ATPAF1: variants seen among roughly 807,000 people sequenced by gnomAD.
ATPAF1 encodes the protein homolog of yeast ATP11.
ATPAF1 carries 26 observed loss-of-function variants against 43.9 expected under a neutral mutation model. The ratio of observed to expected loss-of-function variants is 0.59; its 90% CI spans 0.43 to 0.82. ATPAF1 has a LOEUF of 0.82. ATPAF1 is among the 40% of genes least tolerant of loss of function. The probability of loss-of-function intolerance (pLI) is 0.00; values close to 1 mark genes in which losing one functional copy is unlikely to be tolerated. For synonymous variants in ATPAF1, 157 were observed against 168.0 expected (o/e 0.93, Z 0.50); for missense variants, 366 against 435.0 (o/e 0.84, Z 1.41).
chr1:46,666,800 GA>G (rs1676498552), intron 1 of ATPAF1, among the ~76,000 whole-genome samples: 1 of 152,220 alleles, frequency 6.6e-6, no homozygotes, highest in Non-Finnish European at 1.5e-5. Context: ...TCAGTGGGGG[GA>G]TAACAGTATG....
chr1:46,658,642 C>T lies in ATPAF1; in HGVS notation c.426+45G>A, dbSNP rs78973007. 2.6e-3 allele frequency: 3,793 copies of T among 1,464,918 alleles called. 79 individuals are homozygous for T. In the African/African-American group the frequency reaches 0.046, roughly 18 times the overall value. The allele number at this position is 1,464,918 out of a possible 1,614,324, so 90.7% of individuals were successfully genotyped here. On this transcript the variant is annotated intron_variant, in intron 3 of 8. Transcript: ENST00000574428. ...TTGCAGCCTCTTGTTCTAGATGTCC[C>T]ATATGACTTCAAGCTTTTTTTCCTA... is the stretch of plus-strand genomic sequence containing the variant.
chr1:46,665,701 G>A (rs900868031), intron 1 of ATPAF1: 6 of 1,533,650 alleles, frequency 3.9e-6, no homozygotes, highest in Admixed American at 4.0e-5. Flanking sequence ...CTTCAGACAA[G>A]AATCCTATAG....
intron 6 of ATPAF1, among the ~76,000 whole-genome samples, chr1:46,651,187 C>T (rs1342528423): frequency 6.7e-6 from 1 of 150,196 alleles, no homozygotes; most frequent in Non-Finnish European, 1.5e-5. Context: ...GTGTGATGTT[C>T]TCCTTCCTGT....
chr1:46,645,981 C>T (rs1557927726), intron 6 of ATPAF1, among the ~76,000 whole-genome samples: 1 of 152,052 alleles, frequency 6.6e-6, no homozygotes, highest in Non-Finnish European at 1.5e-5. Flanking sequence ...TTGAGGCCAA[C>T]CTGGACAATA....
At chr1:46,641,895 T>C (rs890597677) in intron 8 of ATPAF1, among the ~76,000 whole-genome samples, 14 of 152,168 alleles carry the variant, frequency 9.2e-5, no homozygotes, top group African/African-American at 3.4e-4. Context: ...TTCAGTCCTA[T>C]GGTTTTAAGT....
At position 46,652,631 on chromosome 1, in the gene ATPAF1, G is replaced by A. The variant is rs914173184; in HGVS notation, c.541-3C>T. 8.7e-6 allele frequency: 14 copies of A among 1,612,260 alleles called. No homozygotes were observed. The Admixed American group carries it at 1.0e-4, about 12-fold the overall frequency. On this transcript the variant is annotated splice_region_variant and splice_polypyrimidine_tract_variant and intron_variant, in intron 5 of 8. Transcript: ENST00000574428. The stretch of plus-strand genomic sequence containing the variant: ...CAGATCAAATCAAACTTTTCTGCCT[G>A]TAGGTTGGAAAAGAATAAAGTTAAC...
At chr1:46,636,764 A>G (rs953851750) in intron 8 of ATPAF1, among the ~76,000 whole-genome samples, 1 of 152,076 alleles carries the variant, frequency 6.6e-6, no homozygotes, top group Non-Finnish European at 1.5e-5. Context: ...AAAATGAAAA[A>G]TGATGGAGAA....
At position 46,668,271 on chromosome 1, in the gene ATPAF1, GC is replaced by G; in HGVS notation, c.51del (p.Gln18ArgfsTer117). 7.2e-7 allele frequency: 1 copy of G among 1,387,396 alleles called. No individual in the cohort carries two copies. The highest frequency in any genetic ancestry group is 9.4e-7 in the Non-Finnish European group (1 of 1,066,454). 85.9% of individuals were successfully genotyped at this position (1,387,396 alleles called of 1,614,324 possible). A position where few individuals can be genotyped will look rare whatever the true frequency, so the allele number is the denominator to read the frequency against. ...AGGCCCCGGTAGAGACCGGCCACCT[GC>G]AGGACCGCCGGTCCCGCGCCACCCG... On this transcript the variant is annotated frameshift_variant, in exon 1 of 9. Coordinates refer to ENST00000574428, the Ensembl canonical transcript of ATPAF1. LOFTEE classifies it high-confidence loss of function. The surrounding 1 kb of genome is among the most constrained non-coding windows in gnomAD (Gnocchi z 4.4).
chr1:46,668,326 CG>C lies in ATPAF1; in HGVS notation c.-5del. 1 of 1,360,794 alleles carries C rather than the reference CG, an allele frequency of 7.3e-7. No individual in the cohort carries two copies. Among genetic ancestry groups the C allele is most frequent in the South Asian group, 1.7e-5 (1 of 60,206 alleles). 84.3% of individuals were successfully genotyped at this position (1,360,794 alleles called of 1,614,324 possible). A position where few individuals can be genotyped will look rare whatever the true frequency, so the allele number is the denominator to read the frequency against. On this transcript the variant is annotated 5_prime_UTR_variant, in exon 1 of 9. Coordinates refer to ENST00000574428, the Ensembl canonical transcript of ATPAF1. The surrounding 1 kb of genome is among the most constrained non-coding windows in gnomAD (Gnocchi z 4.4). ...CCGCCACCACCACAGCAGCCATGGC[CG>C]CCCCCGCCTCCTCCTCCTCCTCAGG...
chr1:46,635,973 G>C lies in ATPAF1; in HGVS notation c.793-3C>G. 6.2e-7 allele frequency: 1 copy of C among 1,613,922 alleles called. No homozygotes were observed. Among genetic ancestry groups the C allele is most frequent in the Non-Finnish European group, 8.5e-7 (1 of 1,179,928 alleles). ...ATGCACTGTGCCTCAGCAACATTCTGTAAGGTAAAAAGAATAATGAGGTCC... is the reference window on the plus strand; with the variant it reads ...ATGCACTGTGCCTCAGCAACATTCTCTAAGGTAAAAAGAATAATGAGGTCC... On this transcript the variant is annotated splice_region_variant and splice_polypyrimidine_tract_variant and intron_variant, in intron 8 of 8. Transcript: ENST00000574428.
At chr1:46,638,704 C>G (rs1270381429) in intron 8 of ATPAF1, among the ~76,000 whole-genome samples, 1 of 151,996 alleles carries the variant, frequency 6.6e-6, no homozygotes, top group East Asian at 1.9e-4. Flanking sequence ...ATGTCTACCT[C>G]TCATGGAGGG....
chr1:46,640,356 T>A (rs1370939564), intron 8 of ATPAF1, among the ~76,000 whole-genome samples: 1 of 152,232 alleles, frequency 6.6e-6, no homozygotes, highest in Admixed American at 6.5e-5. Flanking sequence ...ATGCCTGTAA[T>A]CCCAGCACTC....
chr1:46,633,777 C>T, downstream of ATPAF1: 1 of 456,236 alleles, frequency 2.2e-6, no homozygotes, highest in Non-Finnish European at 4.4e-6. Flanking sequence ...ATTTCCTCAC[C>T]CGCTGGTGGA....
chr1:46,667,946 A>G (rs1676519054), intron 1 of ATPAF1, 111 bp downstream of exon 1: 2 of 853,750 alleles, frequency 2.3e-6, no homozygotes, highest in African/African-American at 3.5e-5. Context: ...ACATCATCTG[A>G]AGAGCTGGGA....
intron 6 of ATPAF1, among the ~76,000 whole-genome samples, chr1:46,651,330 C>T (rs889481546): frequency 6.7e-6 from 1 of 149,250 alleles, no homozygotes; most frequent in Non-Finnish European, 1.5e-5. Context: ...GACATGAACT[C>T]ATCATTTTTT....
chr1:46,635,931 G>C (rs1675830503), exon 9 of ATPAF1: 1 of 1,614,264 alleles, frequency 6.2e-7, no homozygotes, highest in Non-Finnish European at 8.5e-7. Flanking sequence ...GCGTAGAAGA[G>C]CTGAACTTGG....
chr1:46,663,947 T>G (rs1289512882), intron 2 of ATPAF1: 7 of 1,258,240 alleles, frequency 5.6e-6, no homozygotes, highest in Non-Finnish European at 7.2e-6. Context: ...TTTCAAATAA[T>G]AGGTTGTGAA....
Position 46,641,535 on chromosome 1 carries a change from C to T in ATPAF1, c.792+1659G>A, listed in dbSNP as rs4630070. On this transcript the variant is annotated intron_variant, in intron 8 of 8. Transcript: ENST00000574428. ...TGAAAGAGTTTCTATGCTGATTCTT[C>T]GGAGTTTCTCTTCCCATCCTCTCTT... Among the ~76,000 whole-genome samples the T allele has an allele frequency of 2.7e-3, 404 of 152,280 alleles. 4 individuals carry two copies. Among genetic ancestry groups the T allele is most frequent in the East Asian group, 0.019 (100 of 5,180 alleles).
At chr1:46,633,021 G>A (rs1183095000), downstream of ATPAF1, 1 of 152,682 alleles carries the variant, frequency 6.5e-6, no homozygotes, top group East Asian at 1.9e-4. Context: ...GAATAGATAA[G>A]GCAGTGGTTC....
Sources: allele counts gnomAD v4.1 joint callset (sites outside exome capture counted in the v4.1 genomes callset), GRCh38; gene constraint gnomAD v4.1.1; non-coding constraint Gnocchi (gnomAD v3.1); transcripts MANE v1.5; gene names NCBI Gene and HGNC (gene_info 2026-07-23, HGNC 2026-07-21).